Variants in ERBB4 observed in about 807,000 individuals in gnomAD.
ERBB4 encodes the protein erb-b2 receptor tyrosine kinase 4.
A neutral mutation model predicts 158.0 loss-of-function variants in ERBB4; 42 were observed. That is an observed-to-expected ratio of 0.27 (90% CI 0.21 to 0.34). The LOEUF is 0.34. ERBB4 is among the 10% of genes least tolerant of loss of function. The probability of loss-of-function intolerance (pLI) is 1.00; values close to 1 mark genes in which losing one functional copy is unlikely to be tolerated. For synonymous variants in ERBB4, 583 were observed against 558.7 expected (o/e 1.04, Z -0.61); for missense variants, 1,333 against 1,624.1 (o/e 0.82, Z 3.08).
rs558046800 is a variant in ERBB4, at chr2:211,668,896, G to A, written c.1717-3419C>T. On this transcript the variant is annotated intron_variant, in intron 14 of 27. Coordinates refer to ENST00000342788, the MANE Select transcript of ERBB4 (RefSeq NM_005235.3). ...ATGGTAGACCATAACAGGGAGGCTC[G>A]CTGCCTTAGAACATTTCCCAGATTT... Among the ~76,000 whole-genome samples the A allele has an allele frequency of 3.3e-5, 5 of 152,122 alleles. No individual in the cohort carries two copies. In the South Asian group the frequency reaches 6.2e-4, roughly 19 times the overall value.
chr2:211,928,117 T>G (rs1460501774), intron 3 of ERBB4, among the ~76,000 whole-genome samples: 1 of 151,952 alleles, frequency 6.6e-6, no homozygotes, highest in Non-Finnish European at 1.5e-5. Context: ...ATTCACACAA[T>G]CCCAATAGAA....
At chr2:211,855,814 C>T (rs1485190147) in intron 3 of ERBB4, among the ~76,000 whole-genome samples, 1 of 151,758 alleles carries the variant, frequency 6.6e-6, no homozygotes, top group African/African-American at 2.4e-5. Context: ...TTTTCCTAGC[C>T]AGGGAAATTG....
At chr2:211,806,395 T>C (rs935087855) in intron 3 of ERBB4, among the ~76,000 whole-genome samples, 11 of 152,142 alleles carry the variant, frequency 7.2e-5, no homozygotes, top group African/African-American at 2.7e-4. Flanking sequence ...AATCAAACCA[T>C]CACTAAATTA....
In ERBB4 at chr2:211,630,477, T is replaced by C. The variant is rs747091673; in HGVS notation, c.2064A>G (p.Arg688=). The part of the protein sequence containing the change: ...KSIKKKRALR[R]FLETELVEPL... ...AATACCTCACCTCTGTTTCCAAGAA[T>C]CTTCTCAAGGCTCTTTTCTTTTTGA... Residue 688 remains arginine (R), a synonymous_variant, in exon 17 of 28, where the codon AGA becomes AGG. Transcript: ENST00000342788. 4 of 1,613,396 alleles carry C rather than the reference T, an allele frequency of 2.5e-6. No homozygotes were observed. Among genetic ancestry groups the C allele is most frequent in the Non-Finnish European group, 3.4e-6 (4 of 1,179,538 alleles).
intron 20 of ERBB4, among the ~76,000 whole-genome samples, chr2:211,551,773 G>A (rs954817149): frequency 6.6e-6 from 1 of 152,164 alleles, no homozygotes. Flanking sequence ...GCATTTAAAT[G>A]ACATCAGACA....
In ERBB4 at chr2:211,418,261, A is replaced by C. The variant is rs746448856; in HGVS notation, c.3135+2180T>G. Among the ~76,000 whole-genome samples the C allele has an allele frequency of 4.9e-4, 74 of 152,314 alleles. 1 individual carries two copies. Among genetic ancestry groups the C allele is most frequent in the Non-Finnish European group, 1.3e-4 (9 of 67,990 alleles). On this transcript the variant is annotated intron_variant, in intron 25 of 27. Transcript: ENST00000342788. Reference sequence around the variant, plus strand: ...AAGTAATTTGTTTTCTAATTCAGCCATGTAGGAAAGAAAGGAGGAACATGG... The same window carrying C: ...AAGTAATTTGTTTTCTAATTCAGCCCTGTAGGAAAGAAAGGAGGAACATGG...
At chr2:212,473,068 T>C (rs1389708529) in intron 1 of ERBB4, among the ~76,000 whole-genome samples, 2 of 151,996 alleles carry the variant, frequency 1.3e-5, no homozygotes, top group East Asian at 3.8e-4. Flanking sequence ...GTATACTGTC[T>C]TAATAAACCA....
At chr2:212,403,971 G>T (rs2091277859) in intron 1 of ERBB4, among the ~76,000 whole-genome samples, 1 of 151,962 alleles carries the variant, frequency 6.6e-6, no homozygotes, top group Non-Finnish European at 1.5e-5. Flanking sequence ...ACATCTTCCT[G>T]AAGTTTAAGA....
chr2:212,170,478 G>C (rs1393156684), intron 1 of ERBB4, among the ~76,000 whole-genome samples: 1 of 152,158 alleles, frequency 6.6e-6, no homozygotes, highest in Non-Finnish European at 1.5e-5. Context: ...AAATAACAAG[G>C]AGCCAAATGT....
intron 1 of ERBB4, among the ~76,000 whole-genome samples, chr2:212,148,145 CTT>C (rs78160323): frequency 7.0e-6 from 1 of 142,822 alleles, no homozygotes; most frequent in Admixed American, 7.0e-5. Context: ...AGAGTATTTT[CTT>C]TTTTTTTTTT....
At chr2:211,928,638 C>T (rs2080085340) in intron 3 of ERBB4, among the ~76,000 whole-genome samples, 2 of 152,110 alleles carry the variant, frequency 1.3e-5, no homozygotes, top group Non-Finnish European at 1.5e-5. Context: ...GTTATGAATA[C>T]TAAGCTTCCC....
At chr2:212,043,464 G>C (rs2077186715) in intron 2 of ERBB4, among the ~76,000 whole-genome samples, 1 of 152,052 alleles carries the variant, frequency 6.6e-6, no homozygotes, top group East Asian at 1.9e-4. Flanking sequence ...ATGTAACTTG[G>C]TCTACTGACA....
chr2:211,831,854 G>C (rs1023471834), intron 3 of ERBB4, among the ~76,000 whole-genome samples: 5 of 152,048 alleles, frequency 3.3e-5, no homozygotes, highest in Admixed American at 3.3e-4. Flanking sequence ...AGTGAGCCGA[G>C]GTCGCGCCAT....
intron 3 of ERBB4, among the ~76,000 whole-genome samples, chr2:211,861,948 TA>T (rs34063754): frequency 0.22 from 33,437 of 151,996 alleles, 3,804 homozygotes; most frequent in South Asian, 0.32. Context: ...CATAAATGGG[TA>T]AAGTCATGTG....
At chr2:212,384,411 GGAGA>G (rs113001210) in intron 1 of ERBB4, among the ~76,000 whole-genome samples, 2,286 of 151,626 alleles carry the variant, frequency 0.015, 50 homozygotes, top group African/African-American at 0.052. Context: ...TTCTTGTGAC[GGAGA>G]GAGTATATAA....
chr2:212,185,842 T>C (rs933514919), intron 1 of ERBB4, among the ~76,000 whole-genome samples: 4 of 152,150 alleles, frequency 2.6e-5, no homozygotes, highest in African/African-American at 9.7e-5. Context: ...AAAAGTTTCA[T>C]TTCTCTTCAT....
chr2:212,202,537 C>T (rs770078204), intron 1 of ERBB4, among the ~76,000 whole-genome samples: 7 of 151,676 alleles, frequency 4.6e-5, no homozygotes, highest in Admixed American at 1.3e-4. Flanking sequence ...ACAGGGGTCT[C>T]GCCATGTTGC....
chr2:211,889,171 A>C (rs2078894041), intron 3 of ERBB4, among the ~76,000 whole-genome samples: 3 of 143,836 alleles, frequency 2.1e-5, no homozygotes, highest in Admixed American at 6.7e-5. Flanking sequence ...TGAAGAGAGC[A>C]GTGGTTCTCC....
At chr2:211,430,084 T>C (rs2063717526) in intron 21 of ERBB4, among the ~76,000 whole-genome samples, 1 of 152,184 alleles carries the variant, frequency 6.6e-6, no homozygotes, top group Non-Finnish European at 1.5e-5. Flanking sequence ...GTTAAGCATT[T>C]GGAAACCTAT....
Sources: allele counts gnomAD v4.1 joint callset (sites outside exome capture counted in the v4.1 genomes callset), GRCh38; gene constraint gnomAD v4.1.1; transcripts MANE v1.5; gene names NCBI Gene and HGNC (gene_info 2026-07-23, HGNC 2026-07-21).